LECT2: variants seen among roughly 807,000 people sequenced by gnomAD.
LECT2 encodes leukocyte cell-derived chemotaxin-2.
Under a neutral mutation model 16.6 loss-of-function variants are expected in LECT2, and 11 were observed. The observed-to-expected ratio is 0.66, with a 90% confidence interval of 0.42 to 1.09. The LOEUF (loss-of-function observed/expected upper bound fraction) is 1.09, where lower values mean the gene tolerates loss of function less well. Among genes scored for constraint, LECT2 ranks in the 50% least tolerant of loss-of-function variants. LECT2 has a pLI of 0.00. For missense variants in LECT2, 173 were observed against 184.2 expected, an observed-to-expected ratio of 0.94 and a Z score of 0.35; for synonymous variants, 54 against 64.8, an observed-to-expected ratio of 0.83 and a Z score of 0.80.
chr5:135,948,341 TAGG>T (rs1336382081), intron 3 of LECT2, among the ~76,000 whole-genome samples: 1 of 152,130 alleles, frequency 6.6e-6, no homozygotes, highest in Non-Finnish European at 1.5e-5. Context: ...CCACCAATAA[TAGG>T]AGACTTTGAT....
intron 2 of LECT2, among the ~76,000 whole-genome samples, chr5:135,952,634 A>G (rs1763811368): frequency 1.3e-5 from 2 of 152,200 alleles, no homozygotes; most frequent in African/African-American, 4.8e-5. Context: ...TCAGAAGGAA[A>G]ACATTGTGTT....
chr5:135,947,326 TC>T lies in LECT2; in HGVS notation c.*4del. On this transcript the variant is annotated 3_prime_UTR_variant, in exon 4 of 4. Coordinates refer to ENST00000274507, the MANE Select transcript of LECT2 (RefSeq NM_002302.3). The stretch of plus-strand genomic sequence containing the variant: ...ATTTTGAAGATCTGACCATTGGCCT[TC>T]GATTTACAGGTATGCAGTAGGGTCA... 1.2e-6 allele frequency: 2 copies of T among 1,612,456 alleles called. No individual in the cohort carries two copies. Among genetic ancestry groups the T allele is most frequent in the Non-Finnish European group, 1.7e-6 (2 of 1,179,028 alleles).
At position 135,948,337 on chromosome 5, in the gene LECT2, A is replaced by G. The variant is rs574773589; in HGVS notation, c.290-840T>C. Reference sequence around the variant, plus strand: ...AGGAAACATAGATAGAAACCCACCAATAATAGGAGACTTTGATACACTAGT... The same window carrying G: ...AGGAAACATAGATAGAAACCCACCAGTAATAGGAGACTTTGATACACTAGT... On this transcript the variant is annotated intron_variant, in intron 3 of 3. Coordinates refer to ENST00000274507, the MANE Select transcript of LECT2 (RefSeq NM_002302.3). Among the ~76,000 whole-genome samples the G allele has an allele frequency of 5.9e-5, 9 of 152,340 alleles. No homozygotes were observed. The East Asian group carries it at 9.6e-4, about 16-fold the overall frequency.
intron 3 of LECT2, 114 bp from the exon 4 acceptor site, chr5:135,947,611 G>A: frequency 8.6e-7 from 1 of 1,165,808 alleles, no homozygotes; most frequent in Non-Finnish European, 1.1e-6. Context: ...GAACTCAGGA[G>A]AGGAATAGAT....
rs1580673905 is a variant in LECT2 at position 135,951,209 on chromosome 5, T to C, written c.289+14A>G. 4 of 1,613,536 alleles carry C rather than the reference T, an allele frequency of 2.5e-6. No homozygotes were observed. The East Asian group carries it at 8.9e-5, about 36-fold the overall frequency. On this transcript the variant is annotated intron_variant, in intron 3 of 3. Transcript: ENST00000274507. ...TCCAGGAGGCACCCCAGGTGTAGACTCCACCTCTCTTACCTCTTCCAGATA... is the reference window on the plus strand; with the variant it reads ...TCCAGGAGGCACCCCAGGTGTAGACCCCACCTCTCTTACCTCTTCCAGATA...
At chr5:135,952,811 G>C in intron 2 of LECT2, 60 bp downstream of exon 2, 4 of 1,239,446 alleles carry the variant, frequency 3.2e-6, no homozygotes, top group Non-Finnish European at 4.7e-6. Flanking sequence ...GTTGGGCAAG[G>C]ACACTAAGAA....
chr5:135,951,969 A>C (rs1227303507), intron 2 of LECT2, among the ~76,000 whole-genome samples: 1 of 152,132 alleles, frequency 6.6e-6, no homozygotes, highest in Non-Finnish European at 1.5e-5. Context: ...TGCTGTCACT[A>C]TGCCTGCTCT....
chr5:135,951,282 T>C lies in LECT2; in HGVS notation c.230A>G (p.Gln77Arg). 2 of 1,614,198 alleles carry C rather than the reference T, an allele frequency of 1.2e-6. No individual in the cohort carries two copies. The highest frequency in any genetic ancestry group is 2.2e-5 in the East Asian group (1 of 44,886). Reference sequence around the variant, plus strand: ...ATTCTTGTTTTGATAAGGTTTCTCCTGGCCCACAATCATTCCAGTGAATGG... The same window carrying C: ...ATTCTTGTTTTGATAAGGTTTCTCCCGGCCCACAATCATTCCAGTGAATGG... ...YAPFTGMIVG[Q>R]EKPYQNKNAI... The change falls in exon 3 of 4, where the codon CAG becomes CGG. Residue 77 changes from glutamine to arginine, a missense_variant. Coordinates refer to ENST00000274507, the MANE Select transcript of LECT2 (RefSeq NM_002302.3).
intron 1 of LECT2, among the ~76,000 whole-genome samples, chr5:135,954,029 G>A (rs1244147380): frequency 6.6e-6 from 1 of 152,206 alleles, no homozygotes; most frequent in Non-Finnish European, 1.5e-5. Context: ...TAAATGTCCT[G>A]GATTTCCAGT....
intron 3 of LECT2, chr5:135,950,886 G>A (rs539865067): frequency 4.1e-4 from 149 of 360,336 alleles, no homozygotes; most frequent in African/African-American, 3.0e-3. Context: ...CAGAGAAAAT[G>A]GTGAAACGTC....
chr5:135,953,225 C>A, intron 1 of LECT2: 2 of 360,354 alleles, frequency 5.6e-6, no homozygotes, highest in Non-Finnish European at 1.0e-5. Context: ...TTTTTTGGAT[C>A]GGAGTCTCAC....
At chr5:135,953,237 C>G (rs1763820701) in intron 1 of LECT2, 1 of 342,288 alleles carries the variant, frequency 2.9e-6, no homozygotes, top group Non-Finnish European at 5.4e-6. Context: ...GAGTCTCACT[C>G]TGTTGCCAAG....
chr5:135,948,674 T>TAA (rs60126522), intron 3 of LECT2, among the ~76,000 whole-genome samples: 51,598 of 146,492 alleles, frequency 0.35, 9,656 homozygotes, highest in Admixed American at 0.41. Flanking sequence ...ATAATAATAA[T>TAA]TATTATTATT....
chr5:135,954,614 A>G (rs1013015901), intron 1 of LECT2, among the ~76,000 whole-genome samples, 174 bp downstream of exon 1: 1 of 152,184 alleles, frequency 6.6e-6, no homozygotes, highest in Non-Finnish European at 1.5e-5. Context: ...CATTCCATTT[A>G]AATTACTTAA....
At chr5:135,954,334 G>T (rs1763831817) in intron 1 of LECT2, among the ~76,000 whole-genome samples, 1 of 152,178 alleles carries the variant, frequency 6.6e-6, no homozygotes, top group African/African-American at 2.4e-5. Context: ...CTTGGGAATT[G>T]AGGCAAATAT....
At chr5:135,950,146 A>C (rs1447310075) in intron 3 of LECT2, among the ~76,000 whole-genome samples, 1 of 152,220 alleles carries the variant, frequency 6.6e-6, no homozygotes, top group Non-Finnish European at 1.5e-5. Flanking sequence ...ATATATGTTC[A>C]TTAAAAGGTA....
intron 1 of LECT2, 90 bp downstream of exon 1, chr5:135,954,698 G>A: frequency 2.3e-6 from 2 of 867,476 alleles, no homozygotes; most frequent in Non-Finnish European, 3.9e-6. Flanking sequence ...TTGTGATCAT[G>A]CTATTAATGA....
At chr5:135,951,864 G>A (rs1277034391) in intron 2 of LECT2, among the ~76,000 whole-genome samples, 1 of 152,148 alleles carries the variant, frequency 6.6e-6, no homozygotes, top group Non-Finnish European at 1.5e-5. Flanking sequence ...GATACCTCCT[G>A]GGTTTATTAA....
chr5:135,954,250 T>C (rs1561586438), intron 1 of LECT2, among the ~76,000 whole-genome samples: 1 of 152,264 alleles, frequency 6.6e-6, no homozygotes, highest in Non-Finnish European at 1.5e-5. Flanking sequence ...AAAAGTTTTA[T>C]GCCTTGGAGC....
Sources: gnomAD v4.1 joint callset for allele counts (sites outside exome capture counted in the v4.1 genomes callset) on GRCh38, gnomAD v4.1.1 for gene constraint, MANE v1.5 for transcripts, NCBI Gene and HGNC (gene_info 2026-07-23, HGNC 2026-07-21) for gene names.